The following SLC30A8 variants were observed in gnomAD, a reference collection of about 807,000 sequenced individuals.
SLC30A8 encodes proton-coupled zinc antiporter SLC30A8.
A neutral mutation model predicts 36.9 loss-of-function variants in SLC30A8; 27 were observed. The observed-to-expected ratio is 0.73, with a 90% confidence interval of 0.54 to 1.01. The LOEUF (loss-of-function observed/expected upper bound fraction) is 1.01. SLC30A8 is among the 50% of genes least tolerant of loss of function. The pLI is 0.00. For synonymous variants in SLC30A8, 164 were observed against 172.4 expected, an observed-to-expected ratio of 0.95 and a Z score of 0.38; for missense variants, 439 against 452.0, an observed-to-expected ratio of 0.97 and a Z score of 0.26.
At chr8:117,130,250 A>G (rs1380599061), upstream of SLC30A8, 1 of 151,984 alleles carries the variant, frequency 6.6e-6, no homozygotes, top group Non-Finnish European at 1.5e-5. Flanking sequence ...TCAGTCTTTC[A>G]TGGGAAAGCT....
chr8:117,049,391 C>T (rs1394163032), intron 2 of SLC30A8, among the ~76,000 whole-genome samples: 5 of 152,172 alleles, frequency 3.3e-5, no homozygotes, highest in African/African-American at 4.8e-5. Context: ...GCAAATAGCA[C>T]GTTCTATTGC....
intron 2 of SLC30A8, among the ~76,000 whole-genome samples, chr8:117,086,470 C>T (rs1308467192): frequency 6.6e-6 from 1 of 152,118 alleles, no homozygotes; most frequent in Admixed American, 6.5e-5. Context: ...ATATATTTTT[C>T]AAAAAGATCT....
intron 2 of SLC30A8, among the ~76,000 whole-genome samples, chr8:117,106,623 G>A (rs1291829925): frequency 6.6e-6 from 1 of 152,038 alleles, no homozygotes; most frequent in Non-Finnish European, 1.5e-5. Context: ...CCCAGAACTT[G>A]GATTGGCTGC....
chr8:117,074,525 G>A (rs1167796669), intron 2 of SLC30A8, among the ~76,000 whole-genome samples: 2 of 152,098 alleles, frequency 1.3e-5, no homozygotes, highest in Non-Finnish European at 2.9e-5. Context: ...ATTTCAGGGG[G>A]CATTGATGTT....
chr8:117,069,333 T>C (rs1341471912), intron 2 of SLC30A8, among the ~76,000 whole-genome samples: 3 of 152,226 alleles, frequency 2.0e-5, no homozygotes, highest in Non-Finnish European at 2.9e-5. Flanking sequence ...ATATTTGTTT[T>C]CAACCAAAGA....
intron 1 of SLC30A8, among the ~76,000 whole-genome samples, chr8:116,979,720 A>G (rs944355355): frequency 6.6e-6 from 1 of 152,098 alleles, no homozygotes; most frequent in Non-Finnish European, 1.5e-5. Context: ...GTCCCGGGAG[A>G]GGTGAGCTTC....
intron 1 of SLC30A8, among the ~76,000 whole-genome samples, chr8:117,144,889 AT>A (rs1212708781): frequency 3.3e-5 from 5 of 152,206 alleles, no homozygotes; most frequent in African/African-American, 1.2e-4. Flanking sequence ...GCCTAAGTCA[AT>A]CAGCTCATCC....
intron 1 of SLC30A8, among the ~76,000 whole-genome samples, chr8:116,970,378 T>C (rs1190581064): frequency 6.6e-6 from 1 of 152,232 alleles, no homozygotes; most frequent in Non-Finnish European, 1.5e-5. Flanking sequence ...CACATTTTTT[T>C]AATAAGTAGA....
intron 1 of SLC30A8, among the ~76,000 whole-genome samples, chr8:116,975,540 G>A (rs1814967490): frequency 6.6e-6 from 1 of 152,140 alleles, no homozygotes. Flanking sequence ...TAAGGCCTTG[G>A]CAATATGTTT....
Position 117,174,853 on chromosome 8 carries a change from CT to C in SLC30A8, c.*2173del, listed in dbSNP as rs1011419547. 6.6e-6 allele frequency: 1 copy of C among 152,466 alleles called. No homozygotes were observed. Among genetic ancestry groups the C allele is most frequent in the African/African-American group, 2.4e-5 (1 of 41,418 alleles). 9.4% of individuals were successfully genotyped at this position (152,466 alleles called of 1,614,324 possible). A position where few individuals can be genotyped will look rare whatever the true frequency, so the allele number is the denominator to read the frequency against. On this transcript the variant is annotated 3_prime_UTR_variant, in exon 8 of 8. Coordinates refer to ENST00000456015, the MANE Select transcript of SLC30A8 (RefSeq NM_173851.3). Reference sequence around the variant, plus strand: ...TTTTTAGTCAGCTAGATTGAAAACTCTGAACAGTAGATGTTTATATGGCAAA... The same window carrying C: ...TTTTTAGTCAGCTAGATTGAAAACTCGAACAGTAGATGTTTATATGGCAAA...
intron 1 of SLC30A8, among the ~76,000 whole-genome samples, chr8:116,994,036 C>T (rs1322089411): frequency 2.7e-5 from 4 of 148,854 alleles, no homozygotes; most frequent in Non-Finnish European, 5.9e-5. Context: ...TACAAACAAA[C>T]AAAAAACTAA....
chr8:116,981,707 G>A (rs1815269460), intron 1 of SLC30A8, among the ~76,000 whole-genome samples: 1 of 152,116 alleles, frequency 6.6e-6, no homozygotes, highest in African/African-American at 2.4e-5. Context: ...TTAGGATAAT[G>A]GCCTCCCACT....
intron 2 of SLC30A8, among the ~76,000 whole-genome samples, chr8:117,077,498 C>A (rs116984120): frequency 2.6e-5 from 4 of 152,066 alleles, no homozygotes; most frequent in African/African-American, 9.7e-5. Context: ...GATCTTTGGA[C>A]GCAAACCTAT....
chr8:117,139,763 G>A (rs1334330499), intron 1 of SLC30A8, among the ~76,000 whole-genome samples: 1 of 151,752 alleles, frequency 6.6e-6, no homozygotes, highest in Non-Finnish European at 1.5e-5. Flanking sequence ...CCTTGGAAAT[G>A]GGAGAGGATA....
chr8:117,120,831 G>C (rs1027751469), intron 2 of SLC30A8, among the ~76,000 whole-genome samples: 1 of 151,720 alleles, frequency 6.6e-6, no homozygotes, highest in Non-Finnish European at 1.5e-5. Context: ...GGCTTGAACA[G>C]ACATTTCTCC....
chr8:116,967,229 A>G (rs1299632838), intron 1 of SLC30A8, among the ~76,000 whole-genome samples: 1 of 152,212 alleles, frequency 6.6e-6, no homozygotes, highest in Non-Finnish European at 1.5e-5. Flanking sequence ...TTAAAAACAC[A>G]AACAAAACCC....
intron 1 of SLC30A8, among the ~76,000 whole-genome samples, chr8:116,997,663 C>T (rs2130677984): frequency 6.6e-6 from 1 of 152,156 alleles, no homozygotes; most frequent in Middle Eastern, 3.4e-3. Flanking sequence ...CAAAACACCC[C>T]AGACAGTGTT....
chr8:117,036,118 C>A (rs555364592), intron 1 of SLC30A8, among the ~76,000 whole-genome samples: 44 of 151,128 alleles, frequency 2.9e-4, no homozygotes, highest in Admixed American at 5.9e-4. Context: ...TTCCCCCCCC[C>A]AGAAAATGGG....
rs76197276 is a variant in SLC30A8, at chr8:117,174,300, G to A, written c.*1619G>A. 1 of 152,282 alleles carries A rather than the reference G, an allele frequency of 6.6e-6. No homozygotes were observed. Among genetic ancestry groups the A allele is most frequent in the East Asian group, 1.9e-4 (1 of 5,152 alleles). 9.4% of individuals were successfully genotyped at this position (152,282 alleles called of 1,614,324 possible). ...TTGTCATTATTTATCATTTATATTT[G>A]TATTTTTTTCTGAAATTTGAGGGCC... On this transcript the variant is annotated 3_prime_UTR_variant, in exon 8 of 8. Coordinates refer to ENST00000456015, the MANE Select transcript of SLC30A8 (RefSeq NM_173851.3).
Sources: gnomAD v4.1 joint callset for allele counts (sites outside exome capture counted in the v4.1 genomes callset) on GRCh38, gnomAD v4.1.1 for gene constraint, MANE v1.5 for transcripts, NCBI Gene and HGNC (gene_info 2026-07-23, HGNC 2026-07-21) for gene names.